Variants in SFI1 observed in about 807,000 individuals in gnomAD.
SFI1 encodes protein SFI1 homolog.
A neutral mutation model predicts 207.5 loss-of-function variants in SFI1; 195 were observed. The observed-to-expected ratio is 0.94, with a 90% confidence interval of 0.84 to 1.06. The LOEUF (loss-of-function observed/expected upper bound fraction) is 1.06, where lower values mean the gene tolerates loss of function less well. SFI1 is among the 50% of genes least tolerant of loss of function. SFI1 has a pLI of 0.00. For synonymous variants in SFI1, 630 were observed against 598.9 expected (o/e 1.05, Z -0.76); for missense variants, 1,634 against 1,588.0 (o/e 1.03, Z -0.49).
At chr22:31,576,717 A>G (rs1443080548) in intron 10 of SFI1, among the ~76,000 whole-genome samples, 1 of 143,686 alleles carries the variant, frequency 7.0e-6, no homozygotes, top group Non-Finnish European at 1.5e-5. Context: ...TTGGCTCACC[A>G]CAACCTCTGC....
intron 2 of SFI1, among the ~76,000 whole-genome samples, chr22:31,528,055 A>G (rs912160147): frequency 1.4e-4 from 22 of 151,970 alleles, no homozygotes; most frequent in Non-Finnish European, 2.2e-4. Context: ...CGGAGGTTAA[A>G]CGAGCTGAGA....
At chr22:31,527,594 T>A (rs777465834) in intron 2 of SFI1, among the ~76,000 whole-genome samples, 26 of 152,102 alleles carry the variant, frequency 1.7e-4, no homozygotes, top group Admixed American at 4.6e-4. Context: ...TAAAATTTTT[T>A]AAAAAGTATA....
At chr22:31,584,724 G>C (rs1013425985) in intron 13 of SFI1, among the ~76,000 whole-genome samples, 1 of 152,108 alleles carries the variant, frequency 6.6e-6, no homozygotes, top group African/African-American at 2.4e-5. Context: ...TAGTGTGAGA[G>C]GCAACATGTC....
intron 6 of SFI1, among the ~76,000 whole-genome samples, chr22:31,551,044 A>G (rs1252955584): frequency 6.6e-6 from 1 of 152,142 alleles, no homozygotes; most frequent in Non-Finnish European, 1.5e-5. Context: ...ATCTTTTAAG[A>G]AGGCCCTCTG....
Position 31,607,925 on chromosome 22 carries a change from G to T in SFI1, c.2158-12G>T. On this transcript the variant is annotated splice_polypyrimidine_tract_variant and intron_variant, in intron 21 of 32. Coordinates refer to ENST00000400288, the MANE Select transcript of SFI1 (RefSeq NM_001007467.3). ...TATAGTGACTCTTGCTGTGCTCCTT[G>T]CCTGCCCATAGGTCCTGGTCCAGTG... 1 of 1,612,940 alleles carries T rather than the reference G, an allele frequency of 6.2e-7. No homozygotes were observed. The highest frequency in any genetic ancestry group is 1.7e-5 in the Admixed American group (1 of 59,988).
chr22:31,499,737 A>G (rs1391429881), intron 1 of SFI1, among the ~76,000 whole-genome samples: 3 of 152,058 alleles, frequency 2.0e-5, no homozygotes, highest in Non-Finnish European at 4.4e-5. Context: ...AGAAATTGTC[A>G]TAGCACTTTG....
rs529484779 is a variant in SFI1 at position 31,528,772 on chromosome 22, C to T, written c.175C>T (p.Arg59Trp). 75 of 1,614,066 alleles carry T rather than the reference C, an allele frequency of 4.6e-5. No individual in the cohort carries two copies. In the Admixed American group the frequency reaches 6.8e-4, roughly 15 times the overall value. The change falls in exon 3 of 33, where the codon CGG becomes TGG. Residue 59 changes from arginine (R) to tryptophan (W), a missense_variant. Transcript: ENST00000400288. ...GAAGTCTTCTGCATCCTTTGGGATCCGGAGGGAGTTACCTAGTACCAGTCA... is the reference window on the plus strand; with the variant it reads ...GAAGTCTTCTGCATCCTTTGGGATCTGGAGGGAGTTACCTAGTACCAGTCA... Reference protein sequence around the residue: ...NKKSSASFGIRRELPSTSHLV... With the variant: ...NKKSSASFGIWRELPSTSHLV...
intron 8 of SFI1, among the ~76,000 whole-genome samples, chr22:31,564,767 C>G (rs2062088260): frequency 6.6e-6 from 1 of 151,604 alleles, no homozygotes; most frequent in Non-Finnish European, 1.5e-5. Context: ...GCCTCGGCCT[C>G]CCAAAGTGCT....
At chr22:31,527,591 T>C (rs1334314808) in intron 2 of SFI1, among the ~76,000 whole-genome samples, 2 of 152,150 alleles carry the variant, frequency 1.3e-5, no homozygotes, top group African/African-American at 4.8e-5. Context: ...CAATAAAATT[T>C]TTTAAAAAGT....
chr22:31,544,685 G>T (rs2059908935), intron 4 of SFI1, among the ~76,000 whole-genome samples: 1 of 152,010 alleles, frequency 6.6e-6, no homozygotes, highest in African/African-American at 2.4e-5. Context: ...AGCCTGGGAT[G>T]TTAAGGCTGC....
rs747340237 is a variant in SFI1 at position 31,578,414 on chromosome 22, T to C, written c.1117T>C (p.Phe373Leu). The C allele has an allele frequency of 6.2e-7, 1 of 1,613,730 alleles. No homozygotes were observed. The highest frequency in any genetic ancestry group is 1.3e-5 in the African/African-American group (1 of 75,046). The change falls in exon 11 of 33, where the codon TTT becomes CTT. Residue 373 changes from phenylalanine to leucine, a missense_variant. By Grantham distance (22) the Phe-to-Leu change is conservative (BLOSUM62 0). Coordinates refer to ENST00000400288, the MANE Select transcript of SFI1 (RefSeq NM_001007467.3). ...GCTGTGTGCAGAAGAAGCTGCCCAG[T>C]TTGAGATGGCAGAAGAGCACCACAG... ...MLLCAEEAAQFEMAEEHHRHS... is the reference protein window; with the variant it reads ...MLLCAEEAAQLEMAEEHHRHS...
chr22:31,613,653 C>T lies in SFI1; in HGVS notation c.2794C>T (p.Gln932Ter). 1.2e-6 allele frequency: 2 copies of T among 1,605,072 alleles called. No homozygotes were observed. The highest frequency in any genetic ancestry group is 1.7e-6 in the Non-Finnish European group (2 of 1,174,568). Reference protein sequence around the residue: ...AVRRCATLWKQKVLGRGGKPQ... With the variant: ...AVRRCATLWK ...CCGCCGCTGTGCCACGCTCTGGAAACAGAAAGTGCTGGGCCGGGGCGGGAA... is the reference window on the plus strand; with the variant it reads ...CCGCCGCTGTGCCACGCTCTGGAAATAGAAAGTGCTGGGCCGGGGCGGGAA... Residue 932 changes from glutamine (Q) to a stop codon, truncating the protein, a stop_gained, in exon 27 of 33, where the codon CAG becomes TAG. Coordinates refer to ENST00000400288, the MANE Select transcript of SFI1 (RefSeq NM_001007467.3). LOFTEE classifies it high-confidence loss of function.
intron 10 of SFI1, among the ~76,000 whole-genome samples, chr22:31,575,975 T>C (rs1252907510): frequency 6.6e-6 from 1 of 152,090 alleles, no homozygotes; most frequent in Non-Finnish European, 1.5e-5. Flanking sequence ...CACAGGTCAT[T>C]GGCAGAGTCA....
chr22:31,533,773 T>C (rs557570979), intron 4 of SFI1, among the ~76,000 whole-genome samples: 9 of 152,184 alleles, frequency 5.9e-5, no homozygotes, highest in Non-Finnish European at 1.0e-4. Flanking sequence ...TAAATAAATT[T>C]TTTTGCTCTG....
intron 8 of SFI1, among the ~76,000 whole-genome samples, chr22:31,566,611 C>T (rs1366781096): frequency 6.6e-6 from 1 of 152,138 alleles, no homozygotes; most frequent in Non-Finnish European, 1.5e-5. Flanking sequence ...TCTGTTTGTA[C>T]CTCAGAATTC....
At chr22:31,540,497 G>A (rs1054284386) in intron 4 of SFI1, among the ~76,000 whole-genome samples, 4 of 151,686 alleles carry the variant, frequency 2.6e-5, no homozygotes, top group Non-Finnish European at 4.4e-5. Flanking sequence ...GGCCAGGCTG[G>A]TATTGAACTC....
intron 2 of SFI1, among the ~76,000 whole-genome samples, chr22:31,525,485 T>C (rs2057795046): frequency 6.6e-6 from 1 of 152,162 alleles, no homozygotes; most frequent in African/African-American, 2.4e-5. Flanking sequence ...CTCAGCACTT[T>C]GGGACACCAG....
chr22:31,575,786 A>G (rs915825858), intron 10 of SFI1, among the ~76,000 whole-genome samples: 4 of 152,138 alleles, frequency 2.6e-5, no homozygotes, highest in African/African-American at 4.8e-5. Context: ...AGCCACCACT[A>G]TCTTTTTCTT....
rs771750421 is a variant in SFI1 at position 31,508,319 on chromosome 22, G to A, written c.35G>A (p.Ser12Asn). 6 of 1,613,378 alleles carry A rather than the reference G, an allele frequency of 3.7e-6. No homozygotes were observed. In the East Asian group the frequency reaches 8.9e-5, roughly 24 times the overall value. ...KNLLTEKCIS[S>N]HNFHQKVIKQ... ...CTGCTCACTGAGAAGTGTATATCAA[G>A]CCACAATTTCCATCAAAAAGTGATT... Residue 12 changes from serine (S) to asparagine (N), a missense_variant, in exon 2 of 33, where the codon AGC becomes AAC. Coordinates refer to ENST00000400288, the MANE Select transcript of SFI1 (RefSeq NM_001007467.3).
Sources: gnomAD v4.1 joint callset for allele counts (sites outside exome capture counted in the v4.1 genomes callset) on GRCh38, gnomAD v4.1.1 for gene constraint, MANE v1.5 for transcripts, NCBI Gene and HGNC (gene_info 2026-07-23, HGNC 2026-07-21) for gene names.